The following CLSTN2 variants were observed in gnomAD, a reference collection of about 807,000 sequenced individuals.
CLSTN2 encodes calsyntenin-2.
Under a neutral mutation model 101.2 loss-of-function variants are expected in CLSTN2, and 48 were observed. The observed-to-expected ratio is 0.47, with a 90% CI of 0.38 to 0.60. The LOEUF is 0.60. Ranked by LOEUF, CLSTN2 falls within the 20% of genes least tolerant of loss-of-function variation. The probability of loss-of-function intolerance (pLI) is 0.00; values close to 1 mark genes in which losing one functional copy is unlikely to be tolerated. For missense variants in CLSTN2, 1,160 were observed against 1,238.2 expected, an observed-to-expected ratio of 0.94 and a Z score of 0.95; for synonymous variants, 481 against 463.6, an observed-to-expected ratio of 1.04 and a Z score of -0.48.
chr3:140,360,433 G>A (rs999066863), intron 2 of CLSTN2, among the ~76,000 whole-genome samples: 20 of 152,162 alleles, frequency 1.3e-4, no homozygotes, highest in Non-Finnish European at 1.5e-5. Context: ...AAGTACCTGG[G>A]GAAAAGGAGA....
chr3:140,227,174 G>C (rs2086329295), intron 2 of CLSTN2, among the ~76,000 whole-genome samples: 1 of 152,144 alleles, frequency 6.6e-6, no homozygotes, highest in African/African-American at 2.4e-5. Flanking sequence ...TTCCACCTAT[G>C]AACCTGTAAA....
At chr3:140,484,864 A>AT (rs1169440605) in intron 8 of CLSTN2, among the ~76,000 whole-genome samples, 5 of 151,470 alleles carry the variant, frequency 3.3e-5, no homozygotes, top group Non-Finnish European at 7.4e-5. Context: ...CATTCGTCTT[A>AT]TTTTTTTTCA....
chr3:140,035,385 A>G (rs1327699454), intron 1 of CLSTN2, among the ~76,000 whole-genome samples: 1 of 152,240 alleles, frequency 6.6e-6, no homozygotes, highest in Non-Finnish European at 1.5e-5. Context: ...GGATGACTGC[A>G]GCAGCCTGCC....
At chr3:140,559,766 C>T (rs1333717874) in intron 12 of CLSTN2, among the ~76,000 whole-genome samples, 1 of 152,084 alleles carries the variant, frequency 6.6e-6, no homozygotes, top group Non-Finnish European at 1.5e-5. Flanking sequence ...GTCCTAAGTC[C>T]CTGAGGAGCT....
intron 1 of CLSTN2, among the ~76,000 whole-genome samples, chr3:140,131,648 T>A (rs1386480931): frequency 6.6e-6 from 1 of 152,026 alleles, no homozygotes; most frequent in Middle Eastern, 3.2e-3. Flanking sequence ...CTGCTTCTAC[T>A]TGAAAATGGT....
At chr3:140,407,546 A>T (rs2088317266) in intron 4 of CLSTN2, among the ~76,000 whole-genome samples, 1 of 152,164 alleles carries the variant, frequency 6.6e-6, no homozygotes, top group African/African-American at 2.4e-5. Flanking sequence ...GTGTGTGGGG[A>T]TATTGTTTGC....
intron 1 of CLSTN2, among the ~76,000 whole-genome samples, chr3:140,143,662 T>C (rs1330327604): frequency 1.3e-5 from 2 of 152,210 alleles, no homozygotes; most frequent in Non-Finnish European, 2.9e-5. Context: ...TTCTTTTGGC[T>C]GGGTGTGCCC....
At chr3:139,981,814 C>T (rs1935928254) in intron 1 of CLSTN2, among the ~76,000 whole-genome samples, 1 of 152,212 alleles carries the variant, frequency 6.6e-6, no homozygotes, top group Admixed American at 6.5e-5. Context: ...CCTCTATCTC[C>T]TTTGGGTTCG....
intron 9 of CLSTN2, among the ~76,000 whole-genome samples, chr3:140,533,380 A>G (rs1935298528): frequency 6.6e-6 from 1 of 152,178 alleles, no homozygotes; most frequent in Non-Finnish European, 1.5e-5. Context: ...TTGACTCTTC[A>G]CCATGAGGGG....
intron 1 of CLSTN2, among the ~76,000 whole-genome samples, chr3:140,038,377 T>G (rs2007699096): frequency 6.6e-6 from 1 of 152,104 alleles, no homozygotes; most frequent in African/African-American, 2.4e-5. Context: ...TGTCTTTTCA[T>G]ACTTTTAATG....
intron 7 of CLSTN2, 139 bp from the exon 8 acceptor site, chr3:140,466,471 A>G (rs1281022695): frequency 1.0e-6 from 1 of 952,606 alleles, no homozygotes; most frequent in Non-Finnish European, 1.6e-6. Context: ...CTATCATCAG[A>G]GCCTGTTGTA....
intron 1 of CLSTN2, among the ~76,000 whole-genome samples, chr3:140,122,450 A>G (rs2009358564): frequency 6.6e-6 from 1 of 152,216 alleles, no homozygotes; most frequent in Admixed American, 6.5e-5. Context: ...TAGCTAAATC[A>G]TGGACTCCTG....
intron 1 of CLSTN2, among the ~76,000 whole-genome samples, chr3:140,026,698 T>G (rs527966306): frequency 6.6e-6 from 1 of 152,226 alleles, no homozygotes; most frequent in African/African-American, 2.4e-5. Context: ...ATCTTCTCTG[T>G]CTTTTCATGG....
At chr3:139,995,734 G>A (rs1022872513) in intron 1 of CLSTN2, among the ~76,000 whole-genome samples, 2 of 150,948 alleles carry the variant, frequency 1.3e-5, no homozygotes, top group Admixed American at 6.6e-5. Flanking sequence ...TCTGCCATCT[G>A]TGCTCAGGGG....
chr3:140,567,788 T>TA lies in CLSTN2; in HGVS notation c.*1544dup, dbSNP rs993405538. 283 of 151,524 alleles carry TA rather than the reference T, an allele frequency of 1.9e-3. 1 individual carries two copies. The highest frequency in any genetic ancestry group is 3.9e-3 in the African/African-American group (163 of 41,364). The allele number at this position is 151,524 out of a possible 1,614,324, so 9.4% of individuals were successfully genotyped here. A position where few individuals can be genotyped will look rare whatever the true frequency, so the allele number is the denominator to read the frequency against. On this transcript the variant is annotated 3_prime_UTR_variant, in exon 17 of 17. Coordinates refer to ENST00000458420, the MANE Select transcript of CLSTN2 (RefSeq NM_022131.3). ...GTCCCTAGTTAAGTGGCATTTATGT[T>TA]AAAAAAAAATAGTTCAGAATCTCAG...
At chr3:140,214,325 G>A (rs529574671) in intron 2 of CLSTN2, among the ~76,000 whole-genome samples, 29 of 152,008 alleles carry the variant, frequency 1.9e-4, no homozygotes, top group South Asian at 6.2e-4. Flanking sequence ...GTGGTGCTGC[G>A]TGCCTGTAGT....
At chr3:140,124,165 G>T (rs913031365) in intron 1 of CLSTN2, among the ~76,000 whole-genome samples, 1 of 152,124 alleles carries the variant, frequency 6.6e-6, no homozygotes, top group African/African-American at 2.4e-5. Flanking sequence ...GAGAGGAAAA[G>T]CACATGCAAA....
chr3:140,367,437 G>A (rs539537222), intron 2 of CLSTN2, among the ~76,000 whole-genome samples: 21 of 148,924 alleles, frequency 1.4e-4, no homozygotes, highest in African/African-American at 4.4e-4. Context: ...TGCTTGAACC[G>A]GGGAGGCAGA....
At chr3:140,351,678 G>A (rs142650651) in intron 2 of CLSTN2, among the ~76,000 whole-genome samples, 2 of 152,146 alleles carry the variant, frequency 1.3e-5, no homozygotes, top group Non-Finnish European at 2.9e-5. Flanking sequence ...AACAGTGGTG[G>A]GCTGCATTTG....
Sources: gnomAD v4.1 joint callset for allele counts (sites outside exome capture counted in the v4.1 genomes callset) on GRCh38, gnomAD v4.1.1 for gene constraint, MANE v1.5 for transcripts, NCBI Gene and HGNC (gene_info 2026-07-23, HGNC 2026-07-21) for gene names.